Variants in LZIC observed in about 807,000 individuals in gnomAD.
LZIC encodes leucine zipper and CTNNBIP1 domain containing.
In LZIC, 28 loss-of-function variants were observed where a neutral mutation model predicts 25.4. The ratio of observed to expected loss-of-function variants is 1.10; its 90% CI spans 0.82 to 1.51. The LOEUF is 1.51. Ranked by LOEUF, LZIC falls within the 40% of genes most tolerant of loss-of-function variation. The pLI is 0.00. For missense variants in LZIC, 170 were observed against 211.1 expected, an observed-to-expected ratio of 0.81 and a Z score of 1.21; for synonymous variants, 65 against 70.7, an observed-to-expected ratio of 0.92 and a Z score of 0.40.
intron 2 of LZIC, among the ~76,000 whole-genome samples, chr1:9,938,664 T>C (rs1640561665): frequency 6.6e-6 from 1 of 152,190 alleles, no homozygotes; most frequent in Non-Finnish European, 1.5e-5. Context: ...CAATGAAGCC[T>C]TTGTAATTGC....
At chr1:9,935,194 C>T (rs1305037432) in intron 4 of LZIC, among the ~76,000 whole-genome samples, 1 of 151,858 alleles carries the variant, frequency 6.6e-6, no homozygotes, top group Admixed American at 6.6e-5. Flanking sequence ...CTTTGGGAGG[C>T]CGAGGCAGAC....
At chr1:9,926,085 A>G (rs1639975845), downstream of LZIC, among the ~76,000 whole-genome samples, 1 of 151,266 alleles carries the variant, frequency 6.6e-6, no homozygotes. Context: ...AGTAGAGACA[A>G]GGTTTCACCA....
rs781547373 is a variant in LZIC, at chr1:9,927,468, A to AT, written c.*2930dup. Reference sequence around the variant, plus strand: ...AAGTGCATGCCATCACGCCTGGCTAATTTTTTTTTTTTTTTTAGAGACAGG... The same window carrying AT: ...AAGTGCATGCCATCACGCCTGGCTAATTTTTTTTTTTTTTTTTAGAGACAGG... On this transcript the variant is annotated 3_prime_UTR_variant, in exon 8 of 8. Coordinates refer to ENST00000377223, the MANE Select transcript of LZIC (RefSeq NM_032368.5). Among the ~76,000 whole-genome samples, 2,739 of 140,412 alleles carry AT rather than the reference A, an allele frequency of 0.02. 71 individuals carry two copies. The highest frequency in any genetic ancestry group is 0.061 in the African/African-American group (2,344 of 38,302). The allele number at this position is 140,412 out of a possible 152,430, so 92.1% of individuals were successfully genotyped here.
At position 9,928,488 on chromosome 1, in the gene LZIC, G is replaced by A. The variant is rs1040413010; in HGVS notation, c.*1911C>T. 5.3e-5 allele frequency among the ~76,000 whole-genome samples: 8 copies of A among 152,062 alleles called. No individual in the cohort carries two copies. The highest frequency in any genetic ancestry group is 2.0e-4 in the Admixed American group (3 of 15,252). ...ACAACCCAAATCATCAACAGATACC[G>A]GATAAACAAAATATGATATCCATAC... is the stretch of plus-strand genomic sequence containing the variant. On this transcript the variant is annotated 3_prime_UTR_variant, in exon 8 of 8. Coordinates refer to ENST00000377223, the MANE Select transcript of LZIC (RefSeq NM_032368.5).
chr1:9,930,140 A>G lies in LZIC; in HGVS notation c.*259T>C. ...AAGTCCACTTTGTTTTCTCTCTTAA[A>G]CAGACAAATCATAACGAACAGAGTC... is the stretch of plus-strand genomic sequence containing the variant. On this transcript the variant is annotated 3_prime_UTR_variant, in exon 8 of 8. Coordinates refer to ENST00000377223, the MANE Select transcript of LZIC (RefSeq NM_032368.5). 8.2e-7 allele frequency: 1 copy of G among 1,222,086 alleles called. No homozygotes were observed. 75.7% of individuals were successfully genotyped at this position (1,222,086 alleles called of 1,614,324 possible). A position where few individuals can be genotyped will look rare whatever the true frequency, so the allele number is the denominator to read the frequency against.
chr1:9,927,592 TGC>T lies in LZIC; in HGVS notation c.*2805_*2806del. Among the ~76,000 whole-genome samples, 1 of 151,670 alleles carries T rather than the reference TGC, an allele frequency of 6.6e-6. No individual in the cohort carries two copies. The highest frequency in any genetic ancestry group is 1.9e-4 in the East Asian group (1 of 5,158). On this transcript the variant is annotated 3_prime_UTR_variant, in exon 8 of 8. Coordinates refer to ENST00000377223, the MANE Select transcript of LZIC (RefSeq NM_032368.5). ...CTGAGATTACATGCGTGAGCCACTG[TGC>T]CAGGCATTAGGTCCCTTTCAAATTC...
intron 5 of LZIC, 57 bp downstream of exon 5, chr1:9,934,695 TATCATAATGA>T: frequency 7.4e-7 from 1 of 1,348,800 alleles, no homozygotes; most frequent in Non-Finnish European, 1.1e-6. Context: ...AGCCATAGGA[TATCATAATGA>T]ATTGGCCTAG....
chr1:9,935,364 G>T (rs534432044), intron 4 of LZIC, 128 bp downstream of exon 4: 14 of 883,980 alleles, frequency 1.6e-5, no homozygotes, highest in South Asian at 1.5e-4. Flanking sequence ...GGAGGCGGAG[G>T]TTGCAGTGAG....
intron 2 of LZIC, among the ~76,000 whole-genome samples, chr1:9,942,066 G>A (rs1213807876): frequency 6.6e-6 from 1 of 151,998 alleles, no homozygotes; most frequent in African/African-American, 2.4e-5. Context: ...ACAGGCATGC[G>A]TCACCACATC....
Position 9,932,926 on chromosome 1 carries a change from T to C in LZIC, c.337-28A>G, listed in dbSNP as rs746732285. 3.5e-6 allele frequency: 5 copies of C among 1,436,112 alleles called. No individual in the cohort carries two copies. In the Admixed American group the frequency reaches 8.6e-5, roughly 25 times the overall value. 89.0% of individuals were successfully genotyped at this position (1,436,112 alleles called of 1,614,324 possible). A position where few individuals can be genotyped will look rare whatever the true frequency, so the allele number is the denominator to read the frequency against. On this transcript the variant is annotated intron_variant, in intron 5 of 7. Transcript: ENST00000377223. ...AAAACGTATGAATGCAAGGCATATG[T>C]TACTTAAGTGAAAAACATTCCATAT...
chr1:9,923,444 A>G (rs890006372), downstream of LZIC, among the ~76,000 whole-genome samples: 1 of 148,546 alleles, frequency 6.7e-6, no homozygotes, highest in Non-Finnish European at 1.5e-5. Flanking sequence ...TCCTGACCTT[A>G]GGTGATCAGC....
intron 3 of LZIC, 55 bp from the exon 4 acceptor site, chr1:9,935,682 G>A (rs1640423693): frequency 2.7e-6 from 4 of 1,482,316 alleles, no homozygotes; most frequent in Non-Finnish European, 3.6e-6. Flanking sequence ...AGTGAAAAAT[G>A]CAATCTTAAT....
At chr1:9,933,920 AC>A (rs5772389) in intron 5 of LZIC, among the ~76,000 whole-genome samples, 109,485 of 151,018 alleles carry the variant, frequency 0.72, 42,208 homozygotes, top group Admixed American at 0.86. Context: ...AACAACAACA[AC>A]AAAAAAACAA....
Position 9,936,615 on chromosome 1 carries a change from G to A in LZIC, c.5C>T (p.Ala2Val). M[A>V]SRGKTETSKL... ...GCTTGTCTCTGTCTTTCCTCTGGAA[G>A]CCATTTTAATCTCTATGTGAAACAA... The change falls in exon 3 of 8, where the codon GCT becomes GTT. Residue 2 changes from alanine to valine, a missense_variant. Transcript: ENST00000377223. 1 of 1,608,876 alleles carries A rather than the reference G, an allele frequency of 6.2e-7. No individual in the cohort carries two copies. The highest frequency in any genetic ancestry group is 8.5e-7 in the Non-Finnish European group (1 of 1,175,950).
intron 2 of LZIC, among the ~76,000 whole-genome samples, chr1:9,940,170 T>C (rs528282016): frequency 6.6e-6 from 1 of 151,676 alleles, no homozygotes; most frequent in East Asian, 2.0e-4. Context: ...AGGTAACTTA[T>C]TAAAACATGT....
chr1:9,938,541 T>A (rs1640556486), intron 2 of LZIC, among the ~76,000 whole-genome samples: 1 of 152,186 alleles, frequency 6.6e-6, no homozygotes, highest in African/African-American at 2.4e-5. Flanking sequence ...TACTGATTTA[T>A]AACATGGATA....
chr1:9,927,746 C>T lies in LZIC; in HGVS notation c.*2653G>A, dbSNP rs374123160. 4.3e-4 allele frequency among the ~76,000 whole-genome samples: 62 copies of T among 143,244 alleles called. No individual in the cohort carries two copies. The highest frequency in any genetic ancestry group is 1.6e-3 in the African/African-American group (61 of 38,176). 94.0% of individuals were successfully genotyped at this position (143,244 alleles called of 152,430 possible). ...TCGCCCAGGCTGGAGTGCAGTGGCG[C>T]CATCTCGGCTCACCGAAACCTCTGC... is the stretch of plus-strand genomic sequence containing the variant. On this transcript the variant is annotated 3_prime_UTR_variant, in exon 8 of 8. Coordinates refer to ENST00000377223, the MANE Select transcript of LZIC (RefSeq NM_032368.5).
intron 6 of LZIC, among the ~76,000 whole-genome samples, chr1:9,932,582 C>A (rs1640270525): frequency 6.8e-6 from 1 of 148,138 alleles, no homozygotes; most frequent in African/African-American, 2.5e-5. Flanking sequence ...ACTCAGGAGG[C>A]TGAGGCAGGA....
In LZIC at chr1:9,931,860, G is replaced by A. The variant is rs192539239; in HGVS notation, c.514+31C>T. 217 of 1,472,864 alleles carry A rather than the reference G, an allele frequency of 1.5e-4. 1 individual carries two copies. The East Asian group carries it at 4.4e-3, about 30-fold the overall frequency. 91.2% of individuals were successfully genotyped at this position (1,472,864 alleles called of 1,614,324 possible). On this transcript the variant is annotated intron_variant, in intron 7 of 7. Coordinates refer to ENST00000377223, the MANE Select transcript of LZIC (RefSeq NM_032368.5). ...TATGTAATATATGACAGTAGTATAC[G>A]ACCAGCTTTCAGAAATATGAGGGCA...
Sources: allele counts gnomAD v4.1 joint callset (sites outside exome capture counted in the v4.1 genomes callset), GRCh38; gene constraint gnomAD v4.1.1; transcripts MANE v1.5; gene names NCBI Gene and HGNC (gene_info 2026-07-23, HGNC 2026-07-21).